The following HEATR5A variants were observed in gnomAD, a reference collection of about 807,000 sequenced individuals.
The protein encoded by HEATR5A is HEAT repeat-containing protein 5A.
Under a neutral mutation model 218.8 loss-of-function variants are expected in HEATR5A, and 178 were observed. The ratio of observed to expected loss-of-function variants is 0.81; its 90% CI spans 0.72 to 0.92. The LOEUF is 0.92. Ranked by LOEUF, HEATR5A falls within the 40% of genes least tolerant of loss-of-function variation. The pLI is 0.00. For synonymous variants in HEATR5A, 864 were observed against 871.6 expected, an observed-to-expected ratio of 0.99 and a Z score of 0.15; for missense variants, 2,420 against 2,418.9, an observed-to-expected ratio of 1.00 and a Z score of -0.01.
At chr14:31,375,558 C>T (rs749157252) in intron 11 of HEATR5A, among the ~76,000 whole-genome samples, 20 of 152,054 alleles carry the variant, frequency 1.3e-4, no homozygotes, top group Non-Finnish European at 2.1e-4. Context: ...CATGCCACCA[C>T]GCCCAGCTAA....
chr14:31,379,283 C>T (rs2029888935), intron 11 of HEATR5A, among the ~76,000 whole-genome samples: 1 of 151,048 alleles, frequency 6.6e-6, no homozygotes, highest in Admixed American at 6.6e-5. Flanking sequence ...GGGAGTCTTG[C>T]TCTGTCACCC....
chr14:31,311,018 AAACC>A (rs57787677), intron 28 of HEATR5A, among the ~76,000 whole-genome samples: 10,444 of 148,698 alleles, frequency 0.07, 687 homozygotes, highest in East Asian at 0.2. Flanking sequence ...CTGTCTCTAA[AAACC>A]AACCAACCAA....
At chr14:31,303,352 G>A (rs1376078667) in intron 32 of HEATR5A, among the ~76,000 whole-genome samples, 1 of 152,154 alleles carries the variant, frequency 6.6e-6, no homozygotes, top group Non-Finnish European at 1.5e-5. Context: ...AGAACTGCTT[G>A]AACCCGGGAG....
In HEATR5A at chr14:31,389,672, A is replaced by AT. The variant is rs532227692; in HGVS notation, c.773-668dup. Among the ~76,000 whole-genome samples, 63 of 152,256 alleles carry AT rather than the reference A, an allele frequency of 4.1e-4. 1 individual carries two copies. The East Asian group carries it at 9.8e-3, about 24-fold the overall frequency. On this transcript the variant is annotated intron_variant, in intron 6 of 35. Transcript: ENST00000543095. ...ATCTCCCCAAAAAAAAGAAGAAACC[A>AT]TTTCTCCCTTGAAAATTAATGGTCA... is the stretch of plus-strand genomic sequence containing the variant.
Position 31,387,272 on chromosome 14 carries a change from TTAGGG to T in HEATR5A, c.1032_1036del (p.His344GlnfsTer57), listed in dbSNP as rs1284537401. On this transcript the variant is annotated frameshift_variant, in exon 8 of 36. Coordinates refer to ENST00000543095, the MANE Select transcript of HEATR5A (RefSeq NM_015473.4). LOFTEE classifies it high-confidence loss of function. ...GGCATCGATCTGAGTTTGGGTGGCT[TTAGGG>T]TGTGACGGTGACGCAAGGCTTAGGA... The T allele has an allele frequency of 1.2e-6, 2 of 1,613,852 alleles. No individual in the cohort carries two copies. The highest frequency in any genetic ancestry group is 4.5e-5 in the East Asian group (2 of 44,892).
intron 25 of HEATR5A, among the ~76,000 whole-genome samples, chr14:31,320,945 T>C (rs1281032835): frequency 6.6e-6 from 1 of 152,162 alleles, no homozygotes; most frequent in African/African-American, 2.4e-5. Flanking sequence ...AGCTGAAAGA[T>C]TTCTTCTTCA....
At chr14:31,405,003 C>A (rs1459853958) in intron 1 of HEATR5A, among the ~76,000 whole-genome samples, 1 of 139,534 alleles carries the variant, frequency 7.2e-6, no homozygotes, top group African/African-American at 2.7e-5. Context: ...GGCAGAAGAA[C>A]TGCTGAGGCC....
At chr14:31,329,455 G>C (rs528573592) in intron 22 of HEATR5A, among the ~76,000 whole-genome samples, 2 of 152,162 alleles carry the variant, frequency 1.3e-5, no homozygotes, top group East Asian at 1.9e-4. Flanking sequence ...CAGTCCCCAC[G>C]CAAGTCCAAA....
At chr14:31,385,888 G>T (rs997589975) in intron 9 of HEATR5A, among the ~76,000 whole-genome samples, 3 of 151,846 alleles carry the variant, frequency 2.0e-5, no homozygotes, top group South Asian at 4.2e-4. Context: ...CCACCATGAC[G>T]GGCTAATTTT....
chr14:31,411,833 T>A (rs995593349), intron 1 of HEATR5A, among the ~76,000 whole-genome samples: 4 of 152,058 alleles, frequency 2.6e-5, no homozygotes, highest in Admixed American at 2.6e-4. Context: ...AAATTTAAAA[T>A]TTTTTTTGTT....
At chr14:31,375,999 C>T (rs1231347116) in intron 11 of HEATR5A, among the ~76,000 whole-genome samples, 1 of 152,130 alleles carries the variant, frequency 6.6e-6, no homozygotes, top group African/African-American at 2.4e-5. Context: ...ATTCTGCTGA[C>T]TGTATGTCTT....
chr14:31,398,815 G>T, intron 3 of HEATR5A, 34 bp from the exon 4 acceptor site: 1 of 1,220,200 alleles, frequency 8.2e-7, no homozygotes, highest in Non-Finnish European at 1.2e-6. Flanking sequence ...ATTAGTCACA[G>T]CTGAAAAAAT....
At chr14:31,300,344 G>A (rs574639975) in intron 33 of HEATR5A, among the ~76,000 whole-genome samples, 1 of 151,444 alleles carries the variant, frequency 6.6e-6, no homozygotes, top group Admixed American at 6.6e-5. Flanking sequence ...GGAGTGCAGA[G>A]GTGTGATCTT....
chr14:31,406,427 G>T (rs537285496), intron 1 of HEATR5A, among the ~76,000 whole-genome samples: 2 of 152,200 alleles, frequency 1.3e-5, no homozygotes, highest in Non-Finnish European at 2.9e-5. Context: ...AGTCTAAGCA[G>T]TACTCTAAGT....
chr14:31,369,608 CAAAAAAAAAAAAAAA>C (rs71430951), intron 13 of HEATR5A, among the ~76,000 whole-genome samples: 1 of 45,148 alleles, frequency 2.2e-5, no homozygotes, highest in Non-Finnish European at 3.6e-5. Flanking sequence ...AAAACTGTCT[CAAAAAAAAAAAAAAA>C]AAAAAAAAAA....
chr14:31,391,481 TA>T, intron 6 of HEATR5A, among the ~76,000 whole-genome samples: 1 of 152,332 alleles, frequency 6.6e-6, no homozygotes, highest in Middle Eastern at 3.4e-3. Flanking sequence ...TCAAAAATTT[TA>T]AAAATTAAAA....
intron 14 of HEATR5A, among the ~76,000 whole-genome samples, chr14:31,363,067 T>A (rs2139238369): frequency 6.6e-6 from 1 of 151,862 alleles, no homozygotes; most frequent in South Asian, 2.1e-4. Flanking sequence ...TGAAACCCCA[T>A]CTCTATTAAA....
At chr14:31,418,793 G>C (rs560557581) in intron 1 of HEATR5A, among the ~76,000 whole-genome samples, 2 of 152,162 alleles carry the variant, frequency 1.3e-5, no homozygotes, top group African/African-American at 4.8e-5. Context: ...GCTTAATTCA[G>C]AATAATTTTA....
At chr14:31,339,978 A>T (rs992965474) in intron 21 of HEATR5A, among the ~76,000 whole-genome samples, 22 of 152,204 alleles carry the variant, frequency 1.4e-4, no homozygotes, top group Non-Finnish European at 2.9e-4. Context: ...GGCTAGTCAA[A>T]CATCTTTTAG....
Sources: allele counts gnomAD v4.1 joint callset (sites outside exome capture counted in the v4.1 genomes callset), GRCh38; gene constraint gnomAD v4.1.1; transcripts MANE v1.5; gene names NCBI Gene and HGNC (gene_info 2026-07-23, HGNC 2026-07-21).